The following TK2 variants were observed in gnomAD, a reference collection of about 807,000 sequenced individuals.
TK2 encodes the protein thymidine kinase 2, mitochondrial.
In TK2, 35 loss-of-function variants were observed where a neutral mutation model predicts 41.9. That is an observed-to-expected ratio of 0.84 (90% CI 0.64 to 1.11). TK2 has a LOEUF of 1.11. TK2 is among the 50% of genes least tolerant of loss of function. TK2 has a pLI of 0.00. For missense variants in TK2, 320 were observed against 351.1 expected (o/e 0.91, Z 0.71); for synonymous variants, 128 against 129.1 (o/e 0.99, Z 0.06).
Position 66,510,744 on chromosome 16 carries a change from A to G in TK2, c.*1224T>C, listed in dbSNP as rs950426917. On this transcript the variant is annotated 3_prime_UTR_variant, in exon 10 of 10. Transcript: ENST00000544898. ...CCACCTCCAAAGCTTCAGGACCAGCAATGCTTCCAGAGCCTTTATTTGCAA... is the reference window on the plus strand; with the variant it reads ...CCACCTCCAAAGCTTCAGGACCAGCGATGCTTCCAGAGCCTTTATTTGCAA... 2.6e-5 allele frequency: 4 copies of G among 152,206 alleles called. No homozygotes were observed. The highest frequency in any genetic ancestry group is 5.9e-5 in the Non-Finnish European group (4 of 68,062). 9.4% of individuals were successfully genotyped at this position (152,206 alleles called of 1,614,324 possible). A position where few individuals can be genotyped will look rare whatever the true frequency, so the allele number is the denominator to read the frequency against.
intron 6 of TK2, chr16:66,525,049 G>C (rs1475985223): frequency 2.0e-5 from 3 of 152,280 alleles, no homozygotes; most frequent in African/African-American, 7.2e-5. Flanking sequence ...TCCTTTCTCA[G>C]TTCCTTATCT....
rs58273091 is a variant in TK2, at chr16:66,529,994, C to T, written c.376-927G>A. Among the ~76,000 whole-genome samples, 276 of 152,282 alleles carry T rather than the reference C, an allele frequency of 1.8e-3. 2 individuals carry two copies. Among genetic ancestry groups the T allele is most frequent in the African/African-American group, 6.4e-3 (267 of 41,566 alleles). On this transcript the variant is annotated intron_variant, in intron 5 of 9. Coordinates refer to ENST00000544898, the MANE Select transcript of TK2 (RefSeq NM_004614.5). ...TTAAATAGAGGAGTGCATTTATATC[C>T]CTTCCTATTCAAATATCATTAGATA...
intron 9 of TK2, among the ~76,000 whole-genome samples, chr16:66,513,490 A>G (rs1964511581): frequency 6.6e-6 from 1 of 152,198 alleles, no homozygotes; most frequent in African/African-American, 2.4e-5. Flanking sequence ...TGGATCAGTG[A>G]CAACTGCCAG....
chr16:66,535,732 G>A (rs989332677), intron 4 of TK2, among the ~76,000 whole-genome samples: 3 of 152,166 alleles, frequency 2.0e-5, no homozygotes, highest in Non-Finnish European at 4.4e-5. Flanking sequence ...TCTGCCACAT[G>A]GCTGACATGC....
Position 66,517,706 on chromosome 16 carries a change from C to G in TK2, c.538+83G>C, listed in dbSNP as rs779301549. 2.6e-5 allele frequency: 36 copies of G among 1,379,550 alleles called. No homozygotes were observed. Among genetic ancestry groups the G allele is most frequent in the Admixed American group, 1.3e-4 (8 of 59,628 alleles). The allele number at this position is 1,379,550 out of a possible 1,614,324, so 85.5% of individuals were successfully genotyped here. A position where few individuals can be genotyped will look rare whatever the true frequency, so the allele number is the denominator to read the frequency against. Reference sequence around the variant, plus strand: ...AGGGCAAGTGCCTCACCCACTGCCCCCAAGGGTTGGGGCCCAGCCAAGCAC... The same window carrying G: ...AGGGCAAGTGCCTCACCCACTGCCCGCAAGGGTTGGGGCCCAGCCAAGCAC... On this transcript the variant is annotated intron_variant, in intron 7 of 9. Transcript: ENST00000544898. This position sits in a 1 kb window ranked among gnomAD's most constrained non-coding sequence, Gnocchi z 4.3.
intron 6 of TK2, among the ~76,000 whole-genome samples, chr16:66,527,001 T>C (rs1056041897): frequency 6.6e-6 from 1 of 152,216 alleles, no homozygotes; most frequent in Non-Finnish European, 1.5e-5. Flanking sequence ...ATCAGAGCAG[T>C]ACACAAACAT....
At chr16:66,523,891 G>A (rs74927082) in intron 6 of TK2, among the ~76,000 whole-genome samples, 9,082 of 152,180 alleles carry the variant, frequency 0.06, 381 homozygotes, top group South Asian at 0.18. Flanking sequence ...GTAATACTTC[G>A]TTGTGGATGA....
intron 6 of TK2, chr16:66,518,173 T>C: frequency 2.4e-6 from 1 of 423,438 alleles, no homozygotes; most frequent in Non-Finnish European, 4.4e-6. Flanking sequence ...GCTTGTACCC[T>C]GAGAACAGAG....
intron 2 of TK2, among the ~76,000 whole-genome samples, chr16:66,546,258 A>T (rs1295506353): frequency 6.6e-6 from 1 of 152,200 alleles, no homozygotes; most frequent in Non-Finnish European, 1.5e-5. Flanking sequence ...ATAAAATAAA[A>T]TAAAATTAGA....
chr16:66,513,267 G>A (rs926326601), intron 9 of TK2, among the ~76,000 whole-genome samples: 5 of 152,152 alleles, frequency 3.3e-5, no homozygotes, highest in Non-Finnish European at 5.9e-5. Context: ...TAGTGGGCAG[G>A]GCAGACAGTT....
At chr16:66,539,339 C>T (rs1406800852) in intron 3 of TK2, among the ~76,000 whole-genome samples, 1 of 152,036 alleles carries the variant, frequency 6.6e-6, no homozygotes, top group East Asian at 1.9e-4. Flanking sequence ...TGGCTCACGC[C>T]TGTAATCCCA....
intron 6 of TK2, among the ~76,000 whole-genome samples, chr16:66,523,335 C>A (rs369308380): frequency 6.6e-6 from 1 of 152,194 alleles, no homozygotes; most frequent in African/African-American, 2.4e-5. Context: ...TGAGGAAACA[C>A]GAGCTCCCAG....
intron 4 of TK2, among the ~76,000 whole-genome samples, chr16:66,532,581 G>T (rs1031467686): frequency 1.3e-5 from 2 of 151,752 alleles, no homozygotes; most frequent in Non-Finnish European, 2.9e-5. Context: ...CTCCAGCCTG[G>T]ATGACAGAGT....
chr16:66,543,836 C>A (rs1403173906), intron 2 of TK2, among the ~76,000 whole-genome samples: 1 of 152,134 alleles, frequency 6.6e-6, no homozygotes, highest in Non-Finnish European at 1.5e-5. Context: ...AACGGGTATC[C>A]AGGAGACACA....
chr16:66,547,523 A>G (rs1965645311), intron 2 of TK2, among the ~76,000 whole-genome samples: 1 of 151,984 alleles, frequency 6.6e-6, no homozygotes, highest in South Asian at 2.1e-4. Context: ...TACCTGTTCC[A>G]ACACTCCTGC....
At chr16:66,520,335 T>G (rs930178964) in intron 6 of TK2, among the ~76,000 whole-genome samples, 3 of 152,060 alleles carry the variant, frequency 2.0e-5, no homozygotes, top group African/African-American at 7.2e-5. Flanking sequence ...TTATTCAGGG[T>G]CCATCCACAG....
intron 2 of TK2, among the ~76,000 whole-genome samples, chr16:66,543,753 C>T (rs1027413514): frequency 6.6e-6 from 1 of 152,134 alleles, no homozygotes; most frequent in Non-Finnish European, 1.5e-5. Flanking sequence ...CCGTCTCACC[C>T]GACCCCACTA....
rs281865499 is a variant in TK2, at chr16:66,548,976, A to G, written c.156+2T>C. On this transcript the variant is annotated splice_donor_variant, in intron 2 of 9. Coordinates refer to ENST00000544898, the MANE Select transcript of TK2 (RefSeq NM_004614.5). LOFTEE classifies it high-confidence loss of function. Reference sequence around the variant, plus strand: ...GAGAGTACACATAAAAGAGGGACTTACCACTGATTTTTTCTCTTTTTCCTG... The same window carrying G: ...GAGAGTACACATAAAAGAGGGACTTGCCACTGATTTTTTCTCTTTTTCCTG... The G allele has an allele frequency of 1.5e-5, 25 of 1,612,962 alleles. No individual in the cohort carries two copies. The highest frequency in any genetic ancestry group is 2.0e-5 in the Non-Finnish European group (23 of 1,178,960).
intron 3 of TK2, 52 bp from the exon 4 acceptor site, chr16:66,537,069 A>T (rs1040483415): frequency 3.1e-6 from 5 of 1,604,522 alleles, no homozygotes; most frequent in East Asian, 2.2e-5. Flanking sequence ...TGAACCCTGT[A>T]AAAGTGTGTA....
Sources: gnomAD v4.1 joint callset for allele counts (sites outside exome capture counted in the v4.1 genomes callset) on GRCh38, gnomAD v4.1.1 for gene constraint, Gnocchi (gnomAD v3.1) non-coding constraint, MANE v1.5 for transcripts, NCBI Gene and HGNC (gene_info 2026-07-23, HGNC 2026-07-21) for gene names.